The following IGSF21 variants were observed in gnomAD, a reference collection of about 807,000 sequenced individuals.
IGSF21 encodes immunoglobin superfamily member 21.
In IGSF21, 28 loss-of-function variants were observed where a neutral mutation model predicts 46.8. The ratio of observed to expected loss-of-function variants is 0.60; its 90% confidence interval spans 0.44 to 0.82. The LOEUF (loss-of-function observed/expected upper bound fraction) is 0.82, where lower values mean the gene tolerates loss of function less well. Ranked by LOEUF, IGSF21 falls within the 40% of genes least tolerant of loss-of-function variation. The pLI is 0.00. For missense variants in IGSF21, 624 were observed against 665.5 expected (o/e 0.94, Z 0.69); for synonymous variants, 284 against 273.6 (o/e 1.04, Z -0.38).
intron 2 of IGSF21, among the ~76,000 whole-genome samples, chr1:18,231,456 T>C (rs2084624870): frequency 6.6e-6 from 1 of 152,146 alleles, no homozygotes; most frequent in African/African-American, 2.4e-5. Flanking sequence ...TTTACCCCCA[T>C]GGTCTGGCCA....
chr1:18,376,354 C>T lies in IGSF21; in HGVS notation c.1060C>T (p.Arg354Trp), dbSNP rs138302343. Residue 354 changes from arginine to tryptophan, a missense_variant, in exon 7 of 10, where the codon CGG becomes TGG. Transcript: ENST00000251296. ...AATTGTGATGACGCCCAGCAGAGCCCGGGTAGGGGACACAGTGAGGATTCT... is the reference window on the plus strand; with the variant it reads ...AATTGTGATGACGCCCAGCAGAGCCTGGGTAGGGGACACAGTGAGGATTCT... ...PKIVMTPSRARVGDTVRILVH... is the reference protein window; with the variant it reads ...PKIVMTPSRAWVGDTVRILVH... The T allele has an allele frequency of 3.5e-3, 5,609 of 1,613,974 alleles. 17 individuals carry two copies. The highest frequency in any genetic ancestry group is 4.1e-3 in the Non-Finnish European group (4,857 of 1,179,920).
intron 3 of IGSF21, among the ~76,000 whole-genome samples, chr1:18,300,310 G>A (rs541817421): frequency 1.3e-3 from 200 of 152,250 alleles, no homozygotes; most frequent in Non-Finnish European, 2.1e-3. Context: ...TGGAAAGCCC[G>A]CTTCACACAA....
At position 18,378,357 on chromosome 1, in the gene IGSF21, C is replaced by T. The variant is rs781203583; in HGVS notation, c.*31C>T. On this transcript the variant is annotated 3_prime_UTR_variant, in exon 10 of 10. Transcript: ENST00000251296. Reference sequence around the variant, plus strand: ...CCCGCCCCGGCCACTCCATCAGGCACTGACATCTCCACGACCGGTTTTCAT... The same window carrying T: ...CCCGCCCCGGCCACTCCATCAGGCATTGACATCTCCACGACCGGTTTTCAT... 5.1e-6 allele frequency: 8 copies of T among 1,568,354 alleles called. No homozygotes were observed. The highest frequency in any genetic ancestry group is 1.1e-5 in the South Asian group (1 of 89,886).
intron 2 of IGSF21, among the ~76,000 whole-genome samples, chr1:18,268,882 G>A (rs1042687057): frequency 5.9e-5 from 9 of 152,116 alleles, no homozygotes; most frequent in African/African-American, 2.2e-4. Flanking sequence ...CCCTGTCCTT[G>A]GCAGATTCTA....
chr1:18,376,944 C>T lies in IGSF21; in HGVS notation c.1246C>T (p.Gln416Ter). The T allele has an allele frequency of 6.2e-7, 1 of 1,607,624 alleles. No homozygotes were observed. The highest frequency in any genetic ancestry group is 2.2e-5 in the East Asian group (1 of 44,662). ...TGGCTCCATGTATCGCTGCACCGCC[C>T]AGAACCCACTGGGCTCCACCGACAC... ...LNGSMYRCTA[Q>*]NPLGSTDTHT... The change falls in exon 8 of 10, where the codon CAG becomes TAG. Residue 416 changes from glutamine to a stop codon, truncating the protein, a stop_gained. Transcript: ENST00000251296. LOFTEE classifies it high-confidence loss of function.
chr1:18,283,124 C>A (rs550638953), intron 2 of IGSF21, among the ~76,000 whole-genome samples: 33 of 152,324 alleles, frequency 2.2e-4, no homozygotes, highest in African/African-American at 7.7e-4. Flanking sequence ...GCTGCAGCCG[C>A]TCTCCTCCCT....
chr1:18,360,584 A>G (rs1235603466), intron 4 of IGSF21, among the ~76,000 whole-genome samples: 1 of 152,120 alleles, frequency 6.6e-6, no homozygotes, highest in African/African-American at 2.4e-5. Context: ...AACCCCCTGA[A>G]GGAAGGAAAG....
intron 1 of IGSF21, among the ~76,000 whole-genome samples, chr1:18,194,446 G>A (rs1269323527): frequency 6.6e-6 from 1 of 152,160 alleles, no homozygotes; most frequent in Non-Finnish European, 1.5e-5. Flanking sequence ...TGTCGGCAGG[G>A]CCATACTCTC....
In IGSF21 at chr1:18,108,173, C is replaced by A; in HGVS notation, c.45C>A (p.Leu15=). 6.9e-7 allele frequency: 1 copy of A among 1,448,464 alleles called. No individual in the cohort carries two copies. The highest frequency in any genetic ancestry group is 9.1e-7 in the Non-Finnish European group (1 of 1,103,994). 89.7% of individuals were successfully genotyped at this position (1,448,464 alleles called of 1,614,324 possible). ...PSLRRCVCLL[L]AAILDLARGY... ...TCCGCCGCTGCGTCTGCCTGCTGCT[C>A]GCCGCGATCCTGGACCTGGCGCGCG... The change falls in exon 1 of 10, where the codon CTC becomes CTA. Residue 15 remains leucine, a synonymous_variant. Transcript: ENST00000251296.
chr1:18,270,787 A>G (rs1201592534), intron 2 of IGSF21, among the ~76,000 whole-genome samples: 2 of 152,214 alleles, frequency 1.3e-5, no homozygotes, highest in Non-Finnish European at 2.9e-5. Context: ...TTCAAAAAAA[A>G]AAAGGAAACT....
At chr1:18,297,838 T>C (rs927277910) in intron 3 of IGSF21, among the ~76,000 whole-genome samples, 1 of 152,202 alleles carries the variant, frequency 6.6e-6, no homozygotes, top group African/African-American at 2.4e-5. Context: ...TGAATATTTT[T>C]GGTCCACGGT....
intron 3 of IGSF21, among the ~76,000 whole-genome samples, chr1:18,331,478 T>C (rs2085712925): frequency 6.6e-6 from 1 of 152,260 alleles, no homozygotes; most frequent in Non-Finnish European, 1.5e-5. Flanking sequence ...ACGGTATAGA[T>C]ATATACCACA....
In IGSF21 at chr1:18,376,945, A is replaced by G. The variant is rs781185535; in HGVS notation, c.1247A>G (p.Gln416Arg). 3.1e-6 allele frequency: 5 copies of G among 1,607,484 alleles called. No homozygotes were observed. In the African/African-American group the frequency reaches 6.7e-5, roughly 21 times the overall value. The change falls in exon 8 of 10, where the codon CAG (glutamine) becomes CGG (arginine). Residue 416 changes from glutamine (Q) to arginine (R), a missense_variant. Transcript: ENST00000251296. ...LNGSMYRCTAQNPLGSTDTHT... is the reference protein window; with the variant it reads ...LNGSMYRCTARNPLGSTDTHT... ...GGCTCCATGTATCGCTGCACCGCCCAGAACCCACTGGGCTCCACCGACACG... is the reference window on the plus strand; with the variant it reads ...GGCTCCATGTATCGCTGCACCGCCCGGAACCCACTGGGCTCCACCGACACG...
rs776083280 is a variant in IGSF21, at chr1:18,377,012, G to A, written c.1294+20G>A. On this transcript the variant is annotated intron_variant, in intron 8 of 9. Transcript: ENST00000251296. Reference sequence around the variant, plus strand: ...TGTTTGGTATGGCGCGCTCAACTGGGGACTGGGAGAACAACCACAGGGGCG... The same window carrying A: ...TGTTTGGTATGGCGCGCTCAACTGGAGACTGGGAGAACAACCACAGGGGCG... 3.8e-6 allele frequency: 6 copies of A among 1,574,476 alleles called. No homozygotes were observed. Among genetic ancestry groups the A allele is most frequent in the Non-Finnish European group, 5.2e-6 (6 of 1,154,742 alleles).
At chr1:18,226,808 G>T (rs1218147874) in intron 1 of IGSF21, among the ~76,000 whole-genome samples, 1 of 152,232 alleles carries the variant, frequency 6.6e-6, no homozygotes, top group Non-Finnish European at 1.5e-5. Context: ...TATCGGACTG[G>T]ATTGATCCAT....
At chr1:18,149,843 A>C (rs957156487) in intron 1 of IGSF21, among the ~76,000 whole-genome samples, 5 of 152,162 alleles carry the variant, frequency 3.3e-5, no homozygotes. Flanking sequence ...TATAAAAGGT[A>C]GATCTGGGGA....
At chr1:18,164,631 G>A (rs372253515) in intron 1 of IGSF21, among the ~76,000 whole-genome samples, 21 of 152,104 alleles carry the variant, frequency 1.4e-4, no homozygotes, top group African/African-American at 4.8e-4. Flanking sequence ...AGGAGGTTGA[G>A]CATCTTTTCA....
chr1:18,239,578 C>T (rs1015068417), intron 2 of IGSF21, among the ~76,000 whole-genome samples: 30 of 152,322 alleles, frequency 2.0e-4, no homozygotes, highest in African/African-American at 5.5e-4. Flanking sequence ...CTTCCTACCA[C>T]GTTCCCAAAT....
At chr1:18,202,221 G>T (rs752688346) in intron 1 of IGSF21, among the ~76,000 whole-genome samples, 2 of 152,140 alleles carry the variant, frequency 1.3e-5, no homozygotes, top group African/African-American at 2.4e-5. Flanking sequence ...GCCTGTTATA[G>T]TCCTCCATGT....
Sources: allele counts gnomAD v4.1 joint callset (sites outside exome capture counted in the v4.1 genomes callset), GRCh38; gene constraint gnomAD v4.1.1; transcripts MANE v1.5; gene names NCBI Gene and HGNC (gene_info 2026-07-23, HGNC 2026-07-21).